The following AVL9 variants were observed in gnomAD, a reference collection of about 807,000 sequenced individuals.
The protein encoded by AVL9 is AVL9 cell migration associated.
In AVL9, 49 loss-of-function variants were observed where a neutral mutation model predicts 79.2. That is an observed-to-expected ratio of 0.62 (90% CI 0.49 to 0.79). The LOEUF is 0.79. Ranked by LOEUF, AVL9 falls within the 30% of genes least tolerant of loss-of-function variation. The probability of loss-of-function intolerance (pLI) is 0.00; values close to 1 mark genes in which losing one functional copy is unlikely to be tolerated. For missense variants in AVL9, 682 were observed against 776.8 expected (o/e 0.88, Z 1.45); for synonymous variants, 299 against 280.6 (o/e 1.07, Z -0.65).
chr7:32,531,328 C>A (rs1788636861), intron 1 of AVL9, among the ~76,000 whole-genome samples: 1 of 45,898 alleles, frequency 2.2e-5, no homozygotes, highest in Admixed American at 2.5e-4. Flanking sequence ...TTTTCTTTTT[C>A]TTTCTCTATT....
At chr7:32,502,406 A>AAAAAAAAAAAAAAG (rs201243248) in intron 1 of AVL9, among the ~76,000 whole-genome samples, 4 of 140,166 alleles carry the variant, frequency 2.9e-5, no homozygotes, top group East Asian at 2.0e-4. Context: ...AAAAAAAAAA[A>AAAAAAAAAAAAAAG]AAAGAAAGAA....
chr7:32,564,953 G>A (rs1016724120), intron 10 of AVL9, among the ~76,000 whole-genome samples: 2 of 152,172 alleles, frequency 1.3e-5, no homozygotes, highest in African/African-American at 4.8e-5. Context: ...AATGAGGGAA[G>A]TGGAAAAAAA....
chr7:32,516,721 C>T (rs1001712308), intron 1 of AVL9, among the ~76,000 whole-genome samples: 7 of 146,372 alleles, frequency 4.8e-5, no homozygotes, highest in African/African-American at 1.5e-4. Flanking sequence ...GGAGTCCTGC[C>T]AATAACCAGC....
At chr7:32,548,338 G>T (rs981478465) in intron 3 of AVL9, among the ~76,000 whole-genome samples, 10 of 151,800 alleles carry the variant, frequency 6.6e-5, no homozygotes, top group Non-Finnish European at 1.5e-4. Flanking sequence ...AGTAGAGATG[G>T]GGTTTCACCA....
chr7:32,512,438 A>G (rs1239854907), intron 1 of AVL9, among the ~76,000 whole-genome samples: 1 of 152,254 alleles, frequency 6.6e-6, no homozygotes, highest in Non-Finnish European at 1.5e-5. Context: ...CAGAAAACGA[A>G]CTACCAGTAG....
In AVL9 at chr7:32,566,180, A is replaced by ATCTTTTTTTGTTTTTTT. The variant is rs70992731; in HGVS notation, c.1216-3839_1216-3838insCTTTTTTTGTTTTTTTT. ...TAAAAAAATTTTAATTATTATTATTATTTTTTTTTTTTGGAGACAAGGTCT... is the reference window on the plus strand; with the variant it reads ...TAAAAAAATTTTAATTATTATTATTATCTTTTTTTGTTTTTTTTTTTTTTTTTTTGGAGACAAGGTCT... On this transcript the variant is annotated intron_variant, in intron 10 of 15. Transcript: ENST00000318709. Among the ~76,000 whole-genome samples, 2 of 93,878 alleles carry ATCTTTTTTTGTTTTTTT rather than the reference A, an allele frequency of 2.1e-5. 1 individual carries two copies. The highest frequency in any genetic ancestry group is 4.0e-5 in the Non-Finnish European group (2 of 49,476). 61.6% of individuals were successfully genotyped at this position (93,878 alleles called of 152,430 possible).
chr7:32,520,064 G>A (rs1240926107), intron 1 of AVL9, among the ~76,000 whole-genome samples: 4 of 152,176 alleles, frequency 2.6e-5, no homozygotes, highest in Non-Finnish European at 5.9e-5. Flanking sequence ...CCCTGACATT[G>A]AGTATTATGA....
At chr7:32,516,758 T>A (rs1174196498) in intron 1 of AVL9, among the ~76,000 whole-genome samples, 2 of 99,866 alleles carry the variant, frequency 2.0e-5, no homozygotes, top group Non-Finnish European at 4.0e-5. Context: ...CACTAAACCC[T>A]AGGCCTTTAA....
intron 1 of AVL9, among the ~76,000 whole-genome samples, chr7:32,506,018 A>G (rs1787397688): frequency 6.6e-6 from 1 of 152,136 alleles, no homozygotes; most frequent in Admixed American, 6.5e-5. Flanking sequence ...CTATTTTTAA[A>G]AACTATCCAT....
At chr7:32,576,094 T>G (rs761973594) in intron 13 of AVL9, 22 bp downstream of exon 13, 3 of 1,513,884 alleles carry the variant, frequency 2.0e-6, no homozygotes, top group East Asian at 2.2e-5. Flanking sequence ...CTCTGAAGAT[T>G]GATAGTACAT....
chr7:32,562,355 A>G (rs905082157), intron 10 of AVL9, among the ~76,000 whole-genome samples: 3 of 152,222 alleles, frequency 2.0e-5, no homozygotes, highest in African/African-American at 7.2e-5. Context: ...CAAATATTAT[A>G]CATATGTATT....
intron 10 of AVL9, among the ~76,000 whole-genome samples, chr7:32,565,341 C>T (rs1247822758): frequency 6.6e-6 from 1 of 152,040 alleles, no homozygotes. Flanking sequence ...AGGCGGATCA[C>T]CTAAGATCAG....
chr7:32,551,605 C>CTTTTTTTTTT (rs60271681), intron 5 of AVL9, among the ~76,000 whole-genome samples, 182 bp downstream of exon 5: 3,180 of 93,590 alleles, frequency 0.034, 587 homozygotes, highest in African/African-American at 0.1. Flanking sequence ...TTTAACCAAA[C>CTTTTTTTTTT]TTTTTTTTTT....
intron 1 of AVL9, among the ~76,000 whole-genome samples, chr7:32,507,799 C>T (rs986401692): frequency 2.6e-5 from 4 of 152,188 alleles, no homozygotes; most frequent in East Asian, 1.9e-4. Context: ...TACCTGTCTT[C>T]GCTTTTAGTA....
intron 1 of AVL9, 30 bp from the exon 2 acceptor site, chr7:32,543,111 C>A (rs556341387): frequency 6.2e-7 from 1 of 1,611,334 alleles, no homozygotes. Flanking sequence ...TGGTCAACCA[C>A]CTTTTGGCTA....
At chr7:32,563,966 A>C (rs1390448214) in intron 10 of AVL9, among the ~76,000 whole-genome samples, 1 of 152,214 alleles carries the variant, frequency 6.6e-6, no homozygotes, top group African/African-American at 2.4e-5. Context: ...TGGTAAAGCA[A>C]GTAGCCACAA....
Position 32,556,541 on chromosome 7 carries a change from A to ATGAATGAATGAATGAG in AVL9, c.609+1948_609+1949insATGAATGAATGAGTGA, listed in dbSNP as rs1359133711. ...AGTAAATGAATGAATGAATGAATGA[A>ATGAATGAATGAATGAG]TGAGTATTCCTTCAAACAGAAAAAA... On this transcript the variant is annotated intron_variant, in intron 8 of 15. Coordinates refer to ENST00000318709, the MANE Select transcript of AVL9 (RefSeq NM_015060.3). 5.3e-5 allele frequency among the ~76,000 whole-genome samples: 8 copies of ATGAATGAATGAATGAG among 152,260 alleles called. No individual in the cohort carries two copies. In the East Asian group the frequency reaches 1.5e-3, roughly 29 times the overall value.
intron 1 of AVL9, among the ~76,000 whole-genome samples, chr7:32,510,936 A>G (rs1328043541): frequency 4.8e-5 from 6 of 125,650 alleles, no homozygotes; most frequent in Admixed American, 7.8e-5. Context: ...TCTCCAGGGT[A>G]AGATTTGTGA....
intron 3 of AVL9, among the ~76,000 whole-genome samples, chr7:32,546,767 T>A (rs1371726074): frequency 6.6e-6 from 1 of 151,842 alleles, no homozygotes; most frequent in African/African-American, 2.4e-5. Context: ...GAGGCTGCAG[T>A]GAGCCGAGAT....
Sources: allele counts gnomAD v4.1 joint callset (sites outside exome capture counted in the v4.1 genomes callset), GRCh38; gene constraint gnomAD v4.1.1; transcripts MANE v1.5; gene names NCBI Gene and HGNC (gene_info 2026-07-23, HGNC 2026-07-21).